Variants in CCDC50 observed in about 807,000 individuals in gnomAD.
The protein encoded by CCDC50 is coiled-coil domain-containing protein 50.
Under a neutral mutation model 70.2 loss-of-function variants are expected in CCDC50, and 54 were observed. The observed-to-expected ratio is 0.77, with a 90% CI of 0.62 to 0.96. The LOEUF is 0.96. Among genes scored for constraint, CCDC50 ranks in the 50% least tolerant of loss-of-function variants. The pLI, the probability that CCDC50 is intolerant of heterozygous loss-of-function variation, is 0.00. For missense variants in CCDC50, 558 were observed against 578.7 expected (o/e 0.96, Z 0.37); for synonymous variants, 216 against 198.8 (o/e 1.09, Z -0.73).
intron 4 of CCDC50, among the ~76,000 whole-genome samples, chr3:191,366,133 A>T (rs1286632040): frequency 3.9e-5 from 6 of 152,268 alleles, no homozygotes; most frequent in African/African-American, 1.4e-4. Context: ...TCATAGAGCC[A>T]TGTTTTCATT....
rs375522778 is a variant in CCDC50, at chr3:191,335,533, C to T, written c.49+5810C>T. Among the ~76,000 whole-genome samples, 6 of 152,114 alleles carry T rather than the reference C, an allele frequency of 3.9e-5. No individual in the cohort carries two copies. In the East Asian group the frequency reaches 5.8e-4, roughly 15 times the overall value. ...CCAGGTGTTTGAATTTAAAAACCAG[C>T]GCAAGAGTTCTCAGATATTGCTTTT... On this transcript the variant is annotated intron_variant, in intron 1 of 11. Coordinates refer to ENST00000392455, the MANE Select transcript of CCDC50 (RefSeq NM_178335.3).
intron 1 of CCDC50, among the ~76,000 whole-genome samples, chr3:191,335,625 A>G (rs1250105850): frequency 3.3e-5 from 5 of 152,270 alleles, no homozygotes; most frequent in African/African-American, 1.2e-4. Context: ...AAAAGCATAC[A>G]CACATACATT....
chr3:191,370,207 T>C, intron 5 of CCDC50, 171 bp downstream of exon 5: 1 of 567,780 alleles, frequency 1.8e-6, no homozygotes, highest in Non-Finnish European at 3.2e-6. Context: ...TAAATTCATG[T>C]TTTGTTTTGT....
intron 4 of CCDC50, among the ~76,000 whole-genome samples, chr3:191,363,751 G>C (rs1318935477): frequency 6.6e-6 from 1 of 152,130 alleles, no homozygotes; most frequent in Non-Finnish European, 1.5e-5. Flanking sequence ...AGTTGTATAG[G>C]TGTGTTGACC....
At chr3:191,380,115 T>C (rs762356341) in intron 6 of CCDC50, 44 bp from the exon 7 acceptor site, 1 of 1,215,464 alleles carries the variant, frequency 8.2e-7, no homozygotes, top group African/African-American at 1.6e-5. Flanking sequence ...TCAGAAAACA[T>C]CCTCGGTTGT....
chr3:191,385,564 G>A (rs1320397594), intron 10 of CCDC50, among the ~76,000 whole-genome samples: 1 of 152,100 alleles, frequency 6.6e-6, no homozygotes, highest in African/African-American at 2.4e-5. Flanking sequence ...TTTGTTGGAT[G>A]CATAATTTGC....
intron 11 of CCDC50, among the ~76,000 whole-genome samples, chr3:191,390,030 T>G (rs1713630486): frequency 8.5e-6 from 1 of 117,850 alleles, no homozygotes; most frequent in Admixed American, 8.5e-5. Flanking sequence ...TTGGCTAATT[T>G]CTGTATTTTT....
rs940590085 is a variant in CCDC50, at chr3:191,394,052, A to C, written c.*2292A>C. 4 of 152,238 alleles carry C rather than the reference A, an allele frequency of 2.6e-5. No individual in the cohort carries two copies. The highest frequency in any genetic ancestry group is 9.6e-5 in the African/African-American group (4 of 41,548). The allele number at this position is 152,238 out of a possible 1,614,324, so 9.4% of individuals were successfully genotyped here. A position where few individuals can be genotyped will look rare whatever the true frequency, so the allele number is the denominator to read the frequency against. On this transcript the variant is annotated 3_prime_UTR_variant, in exon 12 of 12. Transcript: ENST00000392455. ...TTATTGTAAAATGTTAACTGGAGATACTGCATTCAAAAAAAAGTCGGACCA... is the reference window on the plus strand; with the variant it reads ...TTATTGTAAAATGTTAACTGGAGATCCTGCATTCAAAAAAAAGTCGGACCA...
rs1553836661 is a variant in CCDC50 at position 191,329,405 on chromosome 3, C to T, written c.-270C>T. ...GACGGCCCCGGTCCATTTCCGGGCT[C>T]CGGATATTTGGTATCGATTGGGGCC... On this transcript the variant is annotated 5_prime_UTR_variant, in exon 1 of 12. Transcript: ENST00000392455. 5 of 416,494 alleles carry T rather than the reference C, an allele frequency of 1.2e-5. No homozygotes were observed. In the South Asian group the frequency reaches 2.6e-4, roughly 21 times the overall value. 25.8% of individuals were successfully genotyped at this position (416,494 alleles called of 1,614,324 possible). A position where few individuals can be genotyped will look rare whatever the true frequency, so the allele number is the denominator to read the frequency against.
intron 1 of CCDC50, among the ~76,000 whole-genome samples, chr3:191,354,550 C>T (rs1211480247): frequency 3.3e-5 from 5 of 152,062 alleles, no homozygotes; most frequent in Non-Finnish European, 5.9e-5. Context: ...ATATTTTTGG[C>T]GTAACGTTCT....
At chr3:191,377,483 G>A (rs150226890) in intron 6 of CCDC50, among the ~76,000 whole-genome samples, 253 of 152,096 alleles carry the variant, frequency 1.7e-3, no homozygotes, top group African/African-American at 5.8e-3. Context: ...TTAACCTTTC[G>A]GAGTTACTTC....
At chr3:191,386,010 C>A (rs1485858750) in intron 10 of CCDC50, among the ~76,000 whole-genome samples, 2 of 152,038 alleles carry the variant, frequency 1.3e-5, no homozygotes, top group Non-Finnish European at 2.9e-5. Flanking sequence ...CAATACCATG[C>A]TTTTTTGGTT....
In CCDC50 at chr3:191,368,493, A is replaced by G. The variant is rs1001954057; in HGVS notation, c.331-1426A>G. Among the ~76,000 whole-genome samples the G allele has an allele frequency of 2.0e-5, 3 of 152,192 alleles. No homozygotes were observed. In the East Asian group the frequency reaches 5.8e-4, roughly 29 times the overall value. The stretch of plus-strand genomic sequence containing the variant: ...AAGGCTATTTGGATGAATAGTAAAA[A>G]ACAGCTGAGGATATGGATAAATATT... On this transcript the variant is annotated intron_variant, in intron 4 of 11. Transcript: ENST00000392455.
At chr3:191,345,079 T>A (rs1221736333) in intron 1 of CCDC50, among the ~76,000 whole-genome samples, 1 of 152,164 alleles carries the variant, frequency 6.6e-6, no homozygotes, top group African/African-American at 2.4e-5. Context: ...GATGTCCTGA[T>A]TGAGCTCATT....
chr3:191,350,816 G>C (rs765702865), intron 1 of CCDC50, among the ~76,000 whole-genome samples: 1 of 142,044 alleles, frequency 7.0e-6, no homozygotes, highest in South Asian at 2.2e-4. Context: ...CTTGTGCAGA[G>C]CTTTTAAACT....
rs374244530 is a variant in CCDC50, at chr3:191,366,426, A to T, written c.331-3493A>T. 3.9e-5 allele frequency among the ~76,000 whole-genome samples: 6 copies of T among 152,286 alleles called. No individual in the cohort carries two copies. In the South Asian group the frequency reaches 6.2e-4, roughly 16 times the overall value. On this transcript the variant is annotated intron_variant, in intron 4 of 11. Coordinates refer to ENST00000392455, the MANE Select transcript of CCDC50 (RefSeq NM_178335.3). ...GAAGGGAAAGGTGAGATACAATGGT[A>T]AACTCCCATTTCAATTAATGTATTT...
rs780132283 is a variant in CCDC50, at chr3:191,380,755, A to T, written c.1137+24A>T. On this transcript the variant is annotated intron_variant, in intron 8 of 11. Coordinates refer to ENST00000392455, the MANE Select transcript of CCDC50 (RefSeq NM_178335.3). ...AAGTAAGTTAATGAGTTTAGCTGAT[A>T]TTCTTTGGAAATATCCTAGTATATT... 3.8e-5 allele frequency: 61 copies of T among 1,611,938 alleles called. 1 individual carries two copies. The highest frequency in any genetic ancestry group is 2.1e-4 in the South Asian group (19 of 90,958).
chr3:191,387,806 C>G (rs1195063764), intron 10 of CCDC50, among the ~76,000 whole-genome samples: 5 of 151,888 alleles, frequency 3.3e-5, no homozygotes, highest in Non-Finnish European at 7.4e-5. Flanking sequence ...TTTGTGAGTT[C>G]CACTCAACGT....
chr3:191,332,890 T>C (rs959521145), intron 1 of CCDC50, among the ~76,000 whole-genome samples: 1 of 152,250 alleles, frequency 6.6e-6, no homozygotes, highest in Non-Finnish European at 1.5e-5. Context: ...GAGGCCTTTC[T>C]AGACATTTTG....
Sources: gnomAD v4.1 joint callset for allele counts (sites outside exome capture counted in the v4.1 genomes callset) on GRCh38, gnomAD v4.1.1 for gene constraint, MANE v1.5 for transcripts, NCBI Gene and HGNC (gene_info 2026-07-23, HGNC 2026-07-21) for gene names.